Variants in ANO4 observed in about 807,000 individuals in gnomAD.
ANO4 encodes anoctamin-4.
ANO4 carries 69 observed loss-of-function variants against 141.9 expected under a neutral mutation model. The observed-to-expected ratio is 0.49, with a 90% confidence interval of 0.40 to 0.59. ANO4 has a LOEUF of 0.59. ANO4 is among the 20% of genes least tolerant of loss of function. The pLI, the probability that ANO4 is intolerant of heterozygous loss-of-function variation, is 0.00. For missense variants in ANO4, 894 were observed against 1,162.2 expected (o/e 0.77, Z 3.36); for synonymous variants, 350 against 394.3 (o/e 0.89, Z 1.33).
chr12:100,730,630 A>T (rs1326703348), intron 1 of ANO4, among the ~76,000 whole-genome samples: 2 of 152,164 alleles, frequency 1.3e-5, no homozygotes, highest in African/African-American at 4.8e-5. Flanking sequence ...TGCAAATTGG[A>T]TAACATGTGG....
rs151082073 is a variant in ANO4, at chr12:100,738,568, C to T, written c.107-1286C>T. Among the ~76,000 whole-genome samples the T allele has an allele frequency of 4.8e-4, 73 of 151,950 alleles. 6 individuals are homozygous for T. Among genetic ancestry groups the T allele is most frequent in the Non-Finnish European group, 7.4e-5 (5 of 67,986 alleles). ...TAGCTATAATTTTATATAAGAAATG[C>T]TAAAACCTGAAATCTTAGAGAGTCC... On this transcript the variant is annotated intron_variant, in intron 2 of 29. Transcript: ENST00000644049.
chr12:100,925,042 A>G (rs933690492), intron 3 of ANO4, among the ~76,000 whole-genome samples: 35 of 152,094 alleles, frequency 2.3e-4, no homozygotes, highest in African/African-American at 8.4e-4. Flanking sequence ...CCAGCCCTTT[A>G]TAAGTTTATG....
chr12:100,860,918 C>T (rs982626980), intron 1 of ANO4, among the ~76,000 whole-genome samples: 3 of 152,130 alleles, frequency 2.0e-5, no homozygotes, highest in African/African-American at 4.8e-5. Context: ...AGAATGGGGC[C>T]GCGGACCTTC....
intron 3 of ANO4, 47 bp from the exon 4 acceptor site, chr12:100,939,268 G>A (rs761557751): frequency 1.3e-5 from 21 of 1,567,698 alleles, no homozygotes; most frequent in Admixed American, 3.5e-5. Flanking sequence ...TTGCTTTCAA[G>A]ATCCCAGATT....
At chr12:100,912,419 A>AAC (rs2041148785) in intron 2 of ANO4, among the ~76,000 whole-genome samples, 1 of 148,144 alleles carries the variant, frequency 6.8e-6, no homozygotes, top group Non-Finnish European at 1.5e-5. Context: ...AGAAAAAAGA[A>AAC]AAAAAAAAAA....
chr12:100,913,086 A>T (rs1159251633), intron 2 of ANO4, among the ~76,000 whole-genome samples: 1 of 151,762 alleles, frequency 6.6e-6, no homozygotes, highest in African/African-American at 2.4e-5. Context: ...TAACAACATT[A>T]TTTTTTTTCT....
At chr12:100,978,057 T>C (rs1340982877) in intron 7 of ANO4, among the ~76,000 whole-genome samples, 4 of 152,248 alleles carry the variant, frequency 2.6e-5, no homozygotes, top group Non-Finnish European at 5.9e-5. Flanking sequence ...TCAAATGATC[T>C]CTTTTCTGCT....
chr12:100,881,732 T>A (rs1255429331), intron 1 of ANO4, among the ~76,000 whole-genome samples: 2 of 152,206 alleles, frequency 1.3e-5, no homozygotes, highest in African/African-American at 4.8e-5. Flanking sequence ...ATTCTCTACT[T>A]GTAGAGTTTT....
intron 14 of ANO4, among the ~76,000 whole-genome samples, chr12:101,070,967 G>A (rs1468920025): frequency 6.6e-6 from 1 of 152,146 alleles, no homozygotes; most frequent in Non-Finnish European, 1.5e-5. Flanking sequence ...ACTACAATGA[G>A]ATATCATCTC....
intron 14 of ANO4, among the ~76,000 whole-genome samples, chr12:101,061,940 T>C (rs1035286644): frequency 6.6e-6 from 1 of 152,088 alleles, no homozygotes; most frequent in African/African-American, 2.4e-5. Flanking sequence ...GGAGTTATGA[T>C]CCTTTGGAGG....
chr12:100,914,115 A>G (rs923549414), intron 2 of ANO4, among the ~76,000 whole-genome samples: 3 of 152,276 alleles, frequency 2.0e-5, no homozygotes, highest in Middle Eastern at 3.4e-3. Flanking sequence ...CCTTCTTGCT[A>G]TTTGAAGCTT....
chr12:101,013,894 G>A (rs574996820), intron 8 of ANO4, among the ~76,000 whole-genome samples: 9 of 152,176 alleles, frequency 5.9e-5, no homozygotes, highest in East Asian at 3.9e-4. Context: ...TGATCTAAGA[G>A]GAAAGTTTAG....
At chr12:100,789,381 C>G (rs1372626622) in intron 3 of ANO4, among the ~76,000 whole-genome samples, 2 of 152,182 alleles carry the variant, frequency 1.3e-5, no homozygotes, top group Admixed American at 1.3e-4. Flanking sequence ...GCCTCCTAGG[C>G]TGCTTGCATG....
chr12:100,835,144 G>A (rs888501588), intron 1 of ANO4, among the ~76,000 whole-genome samples: 2 of 152,196 alleles, frequency 1.3e-5, no homozygotes, highest in African/African-American at 4.8e-5. Flanking sequence ...GGCAGAGGGT[G>A]CAGGCTAACT....
chr12:101,109,301 A>G (rs2137008130), intron 22 of ANO4, among the ~76,000 whole-genome samples: 1 of 152,244 alleles, frequency 6.6e-6, no homozygotes, highest in East Asian at 1.9e-4. Context: ...GGTGACTCAC[A>G]CTTGTAATCC....
At chr12:100,889,858 A>G (rs570857457) in intron 1 of ANO4, among the ~76,000 whole-genome samples, 3 of 152,354 alleles carry the variant, frequency 2.0e-5, no homozygotes, top group African/African-American at 7.2e-5. Flanking sequence ...GAGAAAGACA[A>G]TAAGGACTGA....
rs781164710 is a variant in ANO4, at chr12:100,974,866, C to T, written c.579C>T (p.Pro193=). Reference sequence around the variant, plus strand: ...CCAGGAGAAAAATCTATTACCTGCCCCGCCGTTACAAGTTCATGAGCAGGT... The same window carrying T: ...CCAGGAGAAAAATCTATTACCTGCCTCGCCGTTACAAGTTCATGAGCAGGT... ...MPFRRKIYYL[P]RRYKFMSRID... is the part of the protein sequence containing the mutation. Residue 193 remains proline (P), a synonymous_variant, in exon 7 of 28, where the codon CCC becomes CCT. Transcript: ENST00000392977. 12 of 1,614,076 alleles carry T rather than the reference C, an allele frequency of 7.4e-6. No homozygotes were observed. The highest frequency in any genetic ancestry group is 9.3e-6 in the Non-Finnish European group (11 of 1,180,004).
At chr12:101,059,736 TC>T (rs1054161819) in intron 14 of ANO4, among the ~76,000 whole-genome samples, 44 of 152,342 alleles carry the variant, frequency 2.9e-4, no homozygotes, top group African/African-American at 9.9e-4. Context: ...ATCCCCTTTA[TC>T]ATTTTTTATT....
At chr12:100,973,817 A>G (rs932074844) in intron 6 of ANO4, among the ~76,000 whole-genome samples, 6 of 152,224 alleles carry the variant, frequency 3.9e-5, no homozygotes, top group African/African-American at 1.4e-4. Flanking sequence ...CATGCAGAGT[A>G]GCTGCACTGC....
Sources: allele counts gnomAD v4.1 joint callset (sites outside exome capture counted in the v4.1 genomes callset), GRCh38; gene constraint gnomAD v4.1.1; transcripts MANE v1.5; gene names NCBI Gene and HGNC (gene_info 2026-07-23, HGNC 2026-07-21).